Variants in DSCAML1 observed in about 807,000 individuals in gnomAD.
DSCAML1 encodes cell adhesion molecule DSCAML1.
In DSCAML1, 38 loss-of-function variants were observed where a neutral mutation model predicts 200.5. The ratio of observed to expected loss-of-function variants is 0.19; its 90% CI spans 0.15 to 0.25. The LOEUF is 0.25. Ranked by LOEUF, DSCAML1 falls within the 10% of genes least tolerant of loss-of-function variation. The pLI is 1.00. For synonymous variants in DSCAML1, 1,215 were observed against 1,165.0 expected, an observed-to-expected ratio of 1.04 and a Z score of -0.87; for missense variants, 2,223 against 2,858.8, an observed-to-expected ratio of 0.78 and a Z score of 5.07.
intron 32 of DSCAML1, 127 bp from the exon 33 acceptor site, chr11:117,428,930 G>A (rs934991168): frequency 5.0e-6 from 4 of 802,934 alleles, no homozygotes; most frequent in East Asian, 2.7e-5. Context: ...CTCCACTGGG[G>A]GGCAATAAAG....
upstream of DSCAML1, among the ~76,000 whole-genome samples, chr11:117,797,569 C>A (rs865829930): frequency 1.3e-5 from 2 of 152,332 alleles, no homozygotes; most frequent in African/African-American, 4.8e-5. Flanking sequence ...CTTCCTGCCT[C>A]TTTCGGACTC....
At chr11:117,801,932 T>C (rs929603757), upstream of DSCAML1, 1 of 152,194 alleles carries the variant, frequency 6.6e-6, no homozygotes, top group African/African-American at 2.4e-5. Context: ...CTGAAATCGG[T>C]TGAGAAGCCA....
intron 3 of DSCAML1, among the ~76,000 whole-genome samples, chr11:117,588,231 C>T (rs2137477179): frequency 1.3e-5 from 2 of 152,108 alleles, no homozygotes; most frequent in Middle Eastern, 6.8e-3. Flanking sequence ...TTTTTTTAAC[C>T]ACCCTAGCTC....
At chr11:117,562,978 G>A (rs528005191) in intron 3 of DSCAML1, among the ~76,000 whole-genome samples, 2 of 152,162 alleles carry the variant, frequency 1.3e-5, no homozygotes, top group African/African-American at 4.8e-5. Flanking sequence ...TGTCTGGAAG[G>A]ATCTGATGCA....
chr11:117,547,377 C>T (rs964949852), intron 3 of DSCAML1, among the ~76,000 whole-genome samples: 1 of 152,200 alleles, frequency 6.6e-6, no homozygotes, highest in Non-Finnish European at 1.5e-5. Context: ...GGAAGGGGAC[C>T]CTTGTGTGCC....
Position 117,432,483 on chromosome 11 carries a change from G to C in DSCAML1, c.5048C>G (p.Pro1683Arg). The change falls in exon 30 of 33, where the codon CCT (proline) becomes CGT (arginine). Residue 1683 changes from proline (P) to arginine (R), a missense_variant. This residue lies in a region of DSCAML1 where 614 missense variants were observed against 739.1 expected (regional missense o/e 0.83). Transcript: ENST00000651296. ...TTGGCTGAACTCAGCATCTGTCACA[G>C]GGATGGTGGCCTTGTCATCTCCTGG... ...KQLGDDKATI[P>R]VTDAEFSQAV... 1 of 1,614,182 alleles carries C rather than the reference G, an allele frequency of 6.2e-7. No individual in the cohort carries two copies. The highest frequency in any genetic ancestry group is 8.5e-7 in the Non-Finnish European group (1 of 1,180,034).
upstream of DSCAML1, chr11:117,800,970 A>G (rs2055651713): frequency 1.3e-5 from 2 of 152,230 alleles, no homozygotes; most frequent in South Asian, 4.1e-4. Context: ...GAATTCTTTG[A>G]CAACTTGAGT....
At chr11:117,458,042 A>G (rs2048407114) in intron 19 of DSCAML1, among the ~76,000 whole-genome samples, 1 of 151,996 alleles carries the variant, frequency 6.6e-6, no homozygotes, top group Non-Finnish European at 1.5e-5. Context: ...GCGGAAGCCC[A>G]GAGCTGTGTG....
chr11:117,622,202 C>T (rs559152712), intron 3 of DSCAML1, among the ~76,000 whole-genome samples: 30 of 152,230 alleles, frequency 2.0e-4, no homozygotes, highest in Non-Finnish European at 1.8e-4. Flanking sequence ...TTGTCCATCC[C>T]AAAGGGCTGG....
chr11:117,683,619 T>C (rs1251366663), intron 3 of DSCAML1, among the ~76,000 whole-genome samples: 2 of 152,172 alleles, frequency 1.3e-5, no homozygotes, highest in Non-Finnish European at 2.9e-5. Flanking sequence ...GGCTTTTTCC[T>C]GTAGAGCAGA....
At chr11:117,506,639 C>T in intron 8 of DSCAML1, among the ~76,000 whole-genome samples, 1 of 150,176 alleles carries the variant, frequency 6.7e-6, no homozygotes. Flanking sequence ...TGACTGCAGC[C>T]TGGGCTCGAG....
intron 1 of DSCAML1, among the ~76,000 whole-genome samples, chr11:117,795,286 G>A (rs1238781173): frequency 1.3e-5 from 2 of 152,160 alleles, no homozygotes; most frequent in Non-Finnish European, 2.9e-5. Context: ...GTGCTTTCTC[G>A]CCTGACAAAT....
intron 3 of DSCAML1, among the ~76,000 whole-genome samples, chr11:117,673,160 TCTAA>T (rs1224916714): frequency 2.6e-5 from 4 of 152,190 alleles, no homozygotes; most frequent in Admixed American, 6.5e-5. Flanking sequence ...TTGCTGCCAG[TCTAA>T]CTGTGATCAA....
At chr11:117,591,873 G>T (rs933307792) in intron 3 of DSCAML1, among the ~76,000 whole-genome samples, 1 of 152,190 alleles carries the variant, frequency 6.6e-6, no homozygotes, top group African/African-American at 2.4e-5. Flanking sequence ...CACCAGGTCA[G>T]CCCAGGCTCT....
At chr11:117,735,362 G>A (rs1008732375) in intron 3 of DSCAML1, among the ~76,000 whole-genome samples, 3 of 152,184 alleles carry the variant, frequency 2.0e-5, no homozygotes, top group Non-Finnish European at 4.4e-5. Flanking sequence ...CACAGGGCAT[G>A]TATTACTATC....
At chr11:117,580,103 G>A (rs997265878) in intron 3 of DSCAML1, among the ~76,000 whole-genome samples, 9 of 152,166 alleles carry the variant, frequency 5.9e-5, no homozygotes, top group Non-Finnish European at 7.3e-5. Context: ...TTAAGTGTTC[G>A]TATAGAAAAT....
intron 3 of DSCAML1, among the ~76,000 whole-genome samples, chr11:117,560,077 G>C (rs2050633868): frequency 6.6e-6 from 1 of 152,062 alleles, no homozygotes; most frequent in East Asian, 1.9e-4. Flanking sequence ...GTGTGATGGG[G>C]CATTGAAGTG....
intron 1 of DSCAML1, among the ~76,000 whole-genome samples, chr11:117,785,824 T>G (rs1363713244): frequency 1.3e-5 from 2 of 152,100 alleles, no homozygotes; most frequent in East Asian, 3.9e-4. Flanking sequence ...CACAAAGGTA[T>G]GAGGTGGAGG....
chr11:117,702,641 C>T (rs1244054677), intron 3 of DSCAML1, among the ~76,000 whole-genome samples: 2 of 152,102 alleles, frequency 1.3e-5, no homozygotes, highest in African/African-American at 2.4e-5. Context: ...ATTCAGTACA[C>T]GTTTGTTGCA....
Sources: allele counts gnomAD v4.1 joint callset (sites outside exome capture counted in the v4.1 genomes callset), GRCh38; gene constraint gnomAD v4.1.1; regional missense constraint gnomAD v4.1.1; transcripts MANE v1.5; gene names NCBI Gene and HGNC (gene_info 2026-07-23, HGNC 2026-07-21).